The following SOX5 variants were observed in gnomAD, a reference collection of about 807,000 sequenced individuals.
SOX5 encodes transcription factor SOX-5.
SOX5 carries 9 observed loss-of-function variants against 92.0 expected under a neutral mutation model. That is an observed-to-expected ratio of 0.10 (90% CI 0.06 to 0.17). The LOEUF (loss-of-function observed/expected upper bound fraction) is 0.17, where lower values mean the gene tolerates loss of function less well. Ranked by LOEUF, SOX5 falls within the 10% of genes least tolerant of loss-of-function variation. The pLI, the probability that SOX5 is intolerant of heterozygous loss-of-function variation, is 1.00. For missense variants in SOX5, 642 were observed against 944.5 expected, an observed-to-expected ratio of 0.68 and a Z score of 4.20; for synonymous variants, 344 against 336.3, an observed-to-expected ratio of 1.02 and a Z score of -0.25.
intron 3 of SOX5, among the ~76,000 whole-genome samples, chr12:24,243,045 T>G (rs562017869): frequency 4.8e-4 from 73 of 152,294 alleles, no homozygotes; most frequent in Non-Finnish European, 9.3e-4. Flanking sequence ...TTAAACAAAC[T>G]GTTAAAGTGT....
chr12:23,688,601 A>C (rs1409878137), intron 6 of SOX5, among the ~76,000 whole-genome samples: 1 of 151,974 alleles, frequency 6.6e-6, no homozygotes, highest in Non-Finnish European at 1.5e-5. Context: ...ACCTCTCTCT[A>C]TCCCTTATTT....
At chr12:23,571,361 G>A (rs545074830) in intron 10 of SOX5, among the ~76,000 whole-genome samples, 14 of 152,100 alleles carry the variant, frequency 9.2e-5, no homozygotes, top group East Asian at 3.9e-4. Flanking sequence ...GTTTTCATGC[G>A]TTAATGCCTC....
intron 6 of SOX5, among the ~76,000 whole-genome samples, chr12:23,697,105 T>C (rs2089986106): frequency 6.6e-6 from 1 of 152,212 alleles, no homozygotes; most frequent in Non-Finnish European, 1.5e-5. Context: ...GAGTAATGAA[T>C]AGTGTCATTC....
chr12:24,452,601 C>T (rs778991471), intron 1 of SOX5, among the ~76,000 whole-genome samples: 3 of 152,082 alleles, frequency 2.0e-5, no homozygotes, highest in African/African-American at 7.2e-5. Context: ...CATCACCCTG[C>T]CTGTTAGAAT....
intron 6 of SOX5, among the ~76,000 whole-genome samples, chr12:23,695,880 G>T (rs1280785090): frequency 3.0e-5 from 4 of 133,644 alleles, no homozygotes; most frequent in Non-Finnish European, 6.1e-5. Context: ...GGCAGAGCTT[G>T]CAGTGAGCCG....
chr12:23,919,327 T>A (rs1157189695), intron 1 of SOX5, among the ~76,000 whole-genome samples: 3 of 152,210 alleles, frequency 2.0e-5, no homozygotes, highest in African/African-American at 7.2e-5. Context: ...AATGTTAGTA[T>A]AATCAAAAGA....
intron 4 of SOX5, among the ~76,000 whole-genome samples, chr12:24,068,702 GTGTATATATATA>G (rs1592851108): frequency 1.9e-5 from 1 of 53,024 alleles, no homozygotes; most frequent in African/African-American, 8.2e-5. Context: ...GTGTGTGTGT[GTGTATATATATA>G]TATATATATA....
intron 2 of SOX5, among the ~76,000 whole-genome samples, chr12:24,309,893 A>C (rs1949001576): frequency 6.6e-6 from 1 of 152,186 alleles, no homozygotes. Flanking sequence ...TAGTTCCAGT[A>C]GTTGATTCAG....
At chr12:24,382,565 G>T (rs1268643485) in intron 1 of SOX5, among the ~76,000 whole-genome samples, 1 of 152,140 alleles carries the variant, frequency 6.6e-6, no homozygotes, top group African/African-American at 2.4e-5. Flanking sequence ...CTGAGCACAG[G>T]ATGACATCTG....
intron 1 of SOX5, among the ~76,000 whole-genome samples, chr12:23,922,552 A>G (rs1386615204): frequency 3.9e-5 from 6 of 152,212 alleles, no homozygotes; most frequent in Admixed American, 1.3e-4. Context: ...CTGATTTACT[A>G]TATTTTGCTT....
At chr12:24,316,920 G>A (rs1258606721) in intron 2 of SOX5, among the ~76,000 whole-genome samples, 1 of 152,138 alleles carries the variant, frequency 6.6e-6, no homozygotes, top group African/African-American at 2.4e-5. Flanking sequence ...AAACTGGAAA[G>A]CTTTTTGTAG....
Position 24,225,871 on chromosome 12 carries a change from C to T in SOX5, c.-76-12454G>A, listed in dbSNP as rs1056320183. 1.1e-4 allele frequency among the ~76,000 whole-genome samples: 17 copies of T among 152,240 alleles called. 1 individual carries two copies. The highest frequency in any genetic ancestry group is 8.5e-4 in the Admixed American group (13 of 15,292). On this transcript the variant is annotated intron_variant, in intron 3 of 4. Transcript: ENST00000446891. Reference sequence around the variant, plus strand: ...AATGATTAATAGTTCCATTTATTCTCGTCTCTCGCCAAAAGGGATGGTAGG... The same window carrying T: ...AATGATTAATAGTTCCATTTATTCTTGTCTCTCGCCAAAAGGGATGGTAGG...
intron 3 of SOX5, among the ~76,000 whole-genome samples, chr12:23,787,144 T>A (rs1567753384): frequency 6.6e-6 from 1 of 151,702 alleles, no homozygotes; most frequent in Non-Finnish European, 1.5e-5. Flanking sequence ...TTTCTATACA[T>A]CTTCAAATTG....
chr12:24,097,572 T>C (rs1228598531), intron 4 of SOX5, among the ~76,000 whole-genome samples: 1 of 152,094 alleles, frequency 6.6e-6, no homozygotes, highest in African/African-American at 2.4e-5. Context: ...AAGGGTCATC[T>C]TCATTCTTTT....
chr12:24,056,974 C>CAAAAAAAAAAAAAAAAAAAAAAAAAAAAA (rs60085412), intron 4 of SOX5, among the ~76,000 whole-genome samples: 1 of 36,914 alleles, frequency 2.7e-5, no homozygotes. Context: ...GACTCCGTCT[C>CAAAAAAAAAAAAAAAAAAAAAAAAAAAAA]AAAAAAAAAA....
intron 2 of SOX5, among the ~76,000 whole-genome samples, chr12:23,865,501 C>G (rs1016678696): frequency 6.6e-6 from 1 of 152,010 alleles, no homozygotes; most frequent in Non-Finnish European, 1.5e-5. Context: ...TGGTGACACC[C>G]CATCTCTACT....
At chr12:23,543,450 C>T in intron 12 of SOX5, 66 bp from the exon 13 acceptor site, 1 of 1,266,044 alleles carries the variant, frequency 7.9e-7, no homozygotes, top group Non-Finnish European at 1.1e-6. Flanking sequence ...CCTTGCATTC[C>T]TATTTTTCAG....
intron 4 of SOX5, among the ~76,000 whole-genome samples, chr12:24,160,275 C>T (rs564588811): frequency 2.0e-5 from 3 of 152,080 alleles, no homozygotes; most frequent in African/African-American, 7.2e-5. Flanking sequence ...ATGTTCATAA[C>T]ATCTATAGTA....
chr12:23,584,599 A>G, intron 9 of SOX5: 4 of 1,607,698 alleles, frequency 2.5e-6, no homozygotes, highest in Non-Finnish European at 3.4e-6. Context: ...TGAACCCACT[A>G]TAACTGACTG....
Sources: gnomAD v4.1 joint callset for allele counts (sites outside exome capture counted in the v4.1 genomes callset) on GRCh38, gnomAD v4.1.1 for gene constraint, MANE v1.5 for transcripts, NCBI Gene and HGNC (gene_info 2026-07-23, HGNC 2026-07-21) for gene names.